The following MOSMO variants were observed in gnomAD, a reference collection of about 807,000 sequenced individuals.
MOSMO encodes the protein modulator of smoothened.
Under a neutral mutation model 18.4 loss-of-function variants are expected in MOSMO, and 5 were observed. The ratio of observed to expected loss-of-function variants is 0.27; its 90% confidence interval spans 0.14 to 0.57. The LOEUF is 0.57. MOSMO is among the 20% of genes least tolerant of loss of function. MOSMO has a pLI of 0.92. For missense variants in MOSMO, 138 were observed against 211.8 expected (o/e 0.65, Z 2.16); for synonymous variants, 82 against 82.3 (o/e 1.00, Z 0.02).
chr16:22,073,891 G>A (rs1050690095), intron 1 of MOSMO, among the ~76,000 whole-genome samples: 2 of 151,992 alleles, frequency 1.3e-5, no homozygotes, highest in African/African-American at 4.8e-5. Flanking sequence ...ATCACCAGAT[G>A]GGTATAGTTA....
chr16:22,013,092 GT>G (rs771881602), intron 1 of MOSMO, among the ~76,000 whole-genome samples: 2 of 152,110 alleles, frequency 1.3e-5, no homozygotes, highest in South Asian at 2.1e-4. Flanking sequence ...ATTTCTGCTG[GT>G]TACTGGAACT....
intron 1 of MOSMO, among the ~76,000 whole-genome samples, chr16:22,052,967 T>G (rs1023067536): frequency 1.3e-5 from 2 of 148,246 alleles, no homozygotes; most frequent in South Asian, 2.2e-4. Flanking sequence ...TTTTTTTTTT[T>G]TTTTTGAGAC....
rs546747195 is a variant in MOSMO at position 22,078,397 on chromosome 16, T to C, written c.320-2299T>C. 7.2e-5 allele frequency among the ~76,000 whole-genome samples: 11 copies of C among 152,346 alleles called. No individual in the cohort carries two copies. In the South Asian group the frequency reaches 2.3e-3, roughly 32 times the overall value. ...CAGGAAGTATAGAGAACCTGCTTCC[T>C]TGGATTTAAAACTAAGGTTAAACAG... On this transcript the variant is annotated intron_variant, in intron 2 of 2. Coordinates refer to ENST00000542527, the MANE Select transcript of MOSMO (RefSeq NM_001164579.2).
intron 1 of MOSMO, among the ~76,000 whole-genome samples, chr16:22,074,670 T>A (rs1304468630): frequency 6.6e-6 from 1 of 152,190 alleles, no homozygotes; most frequent in African/African-American, 2.4e-5. Context: ...GGCCCTTGGG[T>A]TTGACATGAG....
rs959058909 is a variant in MOSMO at position 22,029,016 on chromosome 16, C to T, written c.106+20609C>T. ...CCTCCTGAGTAGCTGGGATTATAGG[C>T]ACCTGCCACCATGCCCGGCTAATTT... On this transcript the variant is annotated intron_variant, in intron 1 of 2. Coordinates refer to ENST00000542527, the MANE Select transcript of MOSMO (RefSeq NM_001164579.2). Among the ~76,000 whole-genome samples, 31 of 152,222 alleles carry T rather than the reference C, an allele frequency of 2.0e-4. 1 individual carries two copies. The highest frequency in any genetic ancestry group is 1.9e-3 in the Admixed American group (29 of 15,276).
chr16:22,064,312 A>G (rs977996040), intron 1 of MOSMO: 1 of 456,396 alleles, frequency 2.2e-6, no homozygotes, highest in Admixed American at 2.3e-5. Context: ...TAACCTACCA[A>G]ATTTAACTTT....
chr16:22,056,547 T>C (rs763491050), intron 1 of MOSMO, among the ~76,000 whole-genome samples: 8 of 149,838 alleles, frequency 5.3e-5, no homozygotes, highest in Non-Finnish European at 8.9e-5. Context: ...ATTTTATATA[T>C]ATATATATTT....
In MOSMO at chr16:22,074,013, T is replaced by C. The variant is rs186826113; in HGVS notation, c.107-1474T>C. ...TTGAGAGAACTGATTTCTTGTTTCATTTTATTTCAACAAGTTGCTTTATTT... is the reference window on the plus strand; with the variant it reads ...TTGAGAGAACTGATTTCTTGTTTCACTTTATTTCAACAAGTTGCTTTATTT... On this transcript the variant is annotated intron_variant, in intron 1 of 2. Transcript: ENST00000542527. Among the ~76,000 whole-genome samples the C allele has an allele frequency of 6.0e-4, 92 of 152,304 alleles. 1 individual carries two copies. Among genetic ancestry groups the C allele is most frequent in the East Asian group, 4.4e-3 (23 of 5,184 alleles).
At chr16:22,064,993 G>T (rs919793367) in intron 1 of MOSMO, among the ~76,000 whole-genome samples, 2 of 152,172 alleles carry the variant, frequency 1.3e-5, no homozygotes, top group African/African-American at 4.8e-5. Context: ...AATTGGCAGA[G>T]TCATAGTGCC....
rs754656655 is a variant in MOSMO at position 22,075,515 on chromosome 16, G to A, written c.135G>A (p.Gln45=). 4.9e-5 allele frequency: 75 copies of A among 1,537,210 alleles called. No individual in the cohort carries two copies. Among genetic ancestry groups the A allele is most frequent in the Non-Finnish European group, 5.8e-5 (67 of 1,146,936 alleles). Residue 45 remains glutamine, a synonymous_variant, in exon 2 of 3, where the codon CAG becomes CAA. Coordinates refer to ENST00000542527, the MANE Select transcript of MOSMO (RefSeq NM_001164579.2). ...CACTCACTGTGGGCCTCGTGCGACA[G>A]TGTCAAACAATCCATGGACGAGACC... ...AGALTVGLVR[Q]CQTIHGRDRT...
intron 1 of MOSMO, among the ~76,000 whole-genome samples, chr16:22,022,466 T>A (rs1312943215): frequency 6.6e-6 from 1 of 152,128 alleles, no homozygotes; most frequent in African/African-American, 2.4e-5. Context: ...TCAAAGGTAA[T>A]GTGTATTTGG....
chr16:22,028,763 T>G (rs1428324448), intron 1 of MOSMO, among the ~76,000 whole-genome samples: 1 of 152,244 alleles, frequency 6.6e-6, no homozygotes, highest in Non-Finnish European at 1.5e-5. Context: ...AATTACATGT[T>G]TTATGTTCTC....
chr16:22,049,416 A>C (rs1362835232), intron 1 of MOSMO, among the ~76,000 whole-genome samples: 1 of 152,180 alleles, frequency 6.6e-6, no homozygotes, highest in Non-Finnish European at 1.5e-5. Context: ...TATGTTGCCC[A>C]GGCTGGTGGT....
chr16:22,030,061 A>C (rs1206565125), intron 1 of MOSMO, among the ~76,000 whole-genome samples: 2 of 152,196 alleles, frequency 1.3e-5, no homozygotes, highest in Non-Finnish European at 2.9e-5. Context: ...CAGATTCTGG[A>C]AGTTTCCTAG....
chr16:22,082,109 T>C lies in MOSMO; in HGVS notation c.*1229T>C, dbSNP rs1231454353. ...TAAATACAAAGTTCGCTAGTAAATA[T>C]CTGGCTATTTTGGCTATTTACAACA... On this transcript the variant is annotated 3_prime_UTR_variant, in exon 3 of 3. Transcript: ENST00000542527. 2 of 152,214 alleles carry C rather than the reference T, an allele frequency of 1.3e-5. No individual in the cohort carries two copies. Among genetic ancestry groups the C allele is most frequent in the Non-Finnish European group, 2.9e-5 (2 of 68,036 alleles). 9.4% of individuals were successfully genotyped at this position (152,214 alleles called of 1,614,324 possible).
intron 1 of MOSMO, among the ~76,000 whole-genome samples, chr16:22,061,490 C>G (rs1900643993): frequency 6.6e-6 from 1 of 152,166 alleles, no homozygotes; most frequent in African/African-American, 2.4e-5. Flanking sequence ...TCACACCCTC[C>G]TATGTATTGT....
Position 22,008,248 on chromosome 16 carries a change from C to T in MOSMO, c.-54C>T, listed in dbSNP as rs1433008349. 8 of 1,104,708 alleles carry T rather than the reference C, an allele frequency of 7.2e-6. No individual in the cohort carries two copies. Among genetic ancestry groups the T allele is most frequent in the Non-Finnish European group, 9.5e-6 (8 of 838,962 alleles). 68.4% of individuals were successfully genotyped at this position (1,104,708 alleles called of 1,614,324 possible). ...CGGCGGCGGCCCATGGGGCGGGAGG[C>T]GTGAGGCCGCTGCCTGTCCGGGGCT... On this transcript the variant is annotated 5_prime_UTR_variant, in exon 1 of 3. Transcript: ENST00000542527.
chr16:22,053,224 A>C (rs1366887240), intron 1 of MOSMO, among the ~76,000 whole-genome samples: 1 of 151,416 alleles, frequency 6.6e-6, no homozygotes, highest in South Asian at 2.1e-4. Flanking sequence ...CCACCTCCCA[A>C]CGTGCTGGGA....
rs1394156189 is a variant in MOSMO at position 22,064,328 on chromosome 16, T to A, written c.107-11159T>A. The A allele has an allele frequency of 1.3e-5, 6 of 456,358 alleles. No homozygotes were observed. The East Asian group carries it at 4.2e-4, about 32-fold the overall frequency. The allele number at this position is 456,358 out of a possible 1,614,324, so 28.3% of individuals were successfully genotyped here. On this transcript the variant is annotated intron_variant, in intron 1 of 2. Transcript: ENST00000542527. ...AACCTACCAAATTTAACTTTCATTC[T>A]CTTTACCAGTCTCACCTTAATCCAG...
Sources: gnomAD v4.1 joint callset for allele counts (sites outside exome capture counted in the v4.1 genomes callset) on GRCh38, gnomAD v4.1.1 for gene constraint, MANE v1.5 for transcripts, NCBI Gene and HGNC (gene_info 2026-07-23, HGNC 2026-07-21) for gene names.